The following MED19 variants were observed in gnomAD, a reference collection of about 807,000 sequenced individuals.
MED19 encodes the protein mediator of RNA polymerase II transcription subunit 19.
In MED19, 4 loss-of-function variants were observed where a neutral mutation model predicts 19.9. The observed-to-expected ratio is 0.20, with a 90% CI of 0.10 to 0.46. The LOEUF (loss-of-function observed/expected upper bound fraction) is 0.46, where lower values mean the gene tolerates loss of function less well. Ranked by LOEUF, MED19 falls within the 20% of genes least tolerant of loss-of-function variation. The pLI, the probability that MED19 is intolerant of heterozygous loss-of-function variation, is 0.99. For missense variants in MED19, 303 were observed against 318.7 expected, an observed-to-expected ratio of 0.95 and a Z score of 0.38; for synonymous variants, 139 against 119.6, an observed-to-expected ratio of 1.16 and a Z score of -1.06.
intron 3 of MED19, 111 bp from the exon 4 acceptor site, chr11:57,704,507 A>G (rs1469130877): frequency 1.3e-5 from 21 of 1,578,602 alleles, no homozygotes; most frequent in Admixed American, 2.0e-5. Flanking sequence ...TTTTGTCCAA[A>G]TGGCCAGAAA....
At position 57,704,516 on chromosome 11, in the gene MED19, A is replaced by G; in HGVS notation, c.572-120T>C. 1.9e-6 allele frequency: 3 copies of G among 1,581,782 alleles called. No homozygotes were observed. The South Asian group carries it at 3.5e-5, about 19-fold the overall frequency. On this transcript the variant is annotated intron_variant, in intron 3 of 4. Transcript: ENST00000431606. ...AACTGCTTTTGTCCAAATGGCCAGA[A>G]AGGATACAGAGGTGCTGCTAGAGTC...
At chr11:57,704,669 GTTTTTTTT>G (rs34198151) in intron 3 of MED19, 42 bp downstream of exon 3, 39 of 1,287,634 alleles carry the variant, frequency 3.0e-5, no homozygotes, top group African/African-American at 6.2e-5. Context: ...AGAAGGTCAG[GTTTTTTTT>G]TTTTTTTTTT....
Position 57,704,744 on chromosome 11 carries a change from G to A in MED19, c.546C>T (p.Ser182=), listed in dbSNP as rs750024849. 4 of 1,609,564 alleles carry A rather than the reference G, an allele frequency of 2.5e-6. No individual in the cohort carries two copies. The East Asian group carries it at 8.9e-5, about 36-fold the overall frequency. The change falls in exon 3 of 5, where the codon AGC becomes AGT. Residue 182 remains serine, a synonymous_variant. Coordinates refer to ENST00000431606, the Ensembl canonical transcript of MED19. ...CTGGGGGGACAGGATCCTGGGTACG[G>A]CTCTGTTTGTGCTTGTGCTTATTCT...
At chr11:57,706,787 A>C (rs1946513452) in intron 1 of MED19, among the ~76,000 whole-genome samples, 1 of 152,224 alleles carries the variant, frequency 6.6e-6, no homozygotes, top group African/African-American at 2.4e-5. Flanking sequence ...TCAGGCAACT[A>C]GAATTATTCT....
chr11:57,704,655 A>G (rs1590878079), intron 3 of MED19, 64 bp downstream of exon 3: 1 of 1,306,818 alleles, frequency 7.7e-7, no homozygotes, highest in African/African-American at 1.6e-5. Context: ...TTCAAACCAG[A>G]TTCAGAAGGT....
chr11:57,709,853 G>A (rs576981705), intron 1 of MED19, among the ~76,000 whole-genome samples: 2 of 152,100 alleles, frequency 1.3e-5, no homozygotes, highest in African/African-American at 2.4e-5. Flanking sequence ...GAGCCACAGC[G>A]CCTGGCCCTG....
chr11:57,707,235 C>T (rs1946519574), intron 1 of MED19, among the ~76,000 whole-genome samples: 1 of 151,580 alleles, frequency 6.6e-6, no homozygotes, highest in Non-Finnish European at 1.5e-5. Context: ...GTATGCAAGG[C>T]ACTATCCATA....
intron 1 of MED19, among the ~76,000 whole-genome samples, chr11:57,707,197 C>CA (rs754457524): frequency 0.02 from 1,155 of 57,498 alleles, 10 homozygotes; most frequent in East Asian, 0.12. Flanking sequence ...GATTCCATCT[C>CA]AAAAAAAAAA....
intron 1 of MED19, among the ~76,000 whole-genome samples, chr11:57,707,083 A>C (rs996270300): frequency 5.9e-5 from 9 of 151,952 alleles, no homozygotes; most frequent in African/African-American, 2.2e-4. Context: ...CTGTAGTCAC[A>C]GCTACTTGGG....
chr11:57,703,834 G>T, exon 5 of MED19: 1 of 680,388 alleles, frequency 1.5e-6, no homozygotes, highest in Non-Finnish European at 2.2e-6. Flanking sequence ...AGATGTCCAT[G>T]AGAAAACCAA....
At chr11:57,712,209 G>A (rs1419781177) in exon 1 of MED19, 1 of 1,486,180 alleles carries the variant, frequency 6.7e-7, no homozygotes, top group Non-Finnish European at 8.9e-7. Context: ...CTGTCTCCGT[G>A]TCTGCCGTTG....
intron 1 of MED19, among the ~76,000 whole-genome samples, chr11:57,711,738 C>A (rs942734499): frequency 6.6e-6 from 1 of 152,172 alleles, no homozygotes; most frequent in Non-Finnish European, 1.5e-5. Context: ...AGATGCACTA[C>A]GCCCCTGCCC....
At chr11:57,710,220 A>G (rs1590881609) in intron 1 of MED19, among the ~76,000 whole-genome samples, 4 of 152,170 alleles carry the variant, frequency 2.6e-5, no homozygotes, top group South Asian at 4.1e-4. Context: ...AAGTTAGCCA[A>G]CTGTGGTGGT....
chr11:57,709,951 A>G (rs1380533215), intron 1 of MED19, among the ~76,000 whole-genome samples: 1 of 152,176 alleles, frequency 6.6e-6, no homozygotes, highest in Non-Finnish European at 1.5e-5. Flanking sequence ...GGTTCAAACC[A>G]TTATCTTTCC....
Position 57,710,874 on chromosome 11 carries a change from T to C in MED19, c.217+1089A>G, listed in dbSNP as rs114036489. Among the ~76,000 whole-genome samples, 458 of 152,282 alleles carry C rather than the reference T, an allele frequency of 3.0e-3. 3 individuals carry two copies. The highest frequency in any genetic ancestry group is 0.011 in the African/African-American group (440 of 41,570). Reference sequence around the variant, plus strand: ...CCACGCCCGGTTAATCTTGTATATTTTGTAGAGACTGGGTCTCGCCATGTT... The same window carrying C: ...CCACGCCCGGTTAATCTTGTATATTCTGTAGAGACTGGGTCTCGCCATGTT... On this transcript the variant is annotated intron_variant, in intron 1 of 4. Transcript: ENST00000431606.
exon 2 of MED19, chr11:57,705,132 T>TACC (rs1405328757): frequency 6.2e-7 from 1 of 1,614,170 alleles, no homozygotes. Context: ...GGAAGTTACT[T>TACC]AGCTTCTCCT....
intron 1 of MED19, among the ~76,000 whole-genome samples, chr11:57,707,068 T>C (rs1444500665): frequency 6.6e-6 from 1 of 151,946 alleles, no homozygotes; most frequent in Non-Finnish European, 1.5e-5. Flanking sequence ...TGTGGTGGCA[T>C]GCGCCTGTAG....
At chr11:57,704,056 G>C (rs1483648992) in exon 5 of MED19, 1 of 1,536,174 alleles carries the variant, frequency 6.5e-7, no homozygotes, top group Non-Finnish European at 8.7e-7. Context: ...GGCTGCTGCT[G>C]CTGCTGGCCT....
chr11:57,704,828 A>G lies in MED19; in HGVS notation c.475-13T>C. ...ACTGCTCCGGCAACTGAAGGAACCA[A>G]AGGAAGGTCCAGGTGAGTAGAGGGA... is the stretch of plus-strand genomic sequence containing the variant. On this transcript the variant is annotated splice_polypyrimidine_tract_variant and intron_variant, in intron 2 of 4. Coordinates refer to ENST00000431606, the Ensembl canonical transcript of MED19. The G allele has an allele frequency of 6.2e-7, 1 of 1,613,516 alleles. No individual in the cohort carries two copies. The highest frequency in any genetic ancestry group is 8.5e-7 in the Non-Finnish European group (1 of 1,179,946).
Sources: gnomAD v4.1 joint callset for allele counts (sites outside exome capture counted in the v4.1 genomes callset) on GRCh38, gnomAD v4.1.1 for gene constraint, MANE v1.5 for transcripts, NCBI Gene and HGNC (gene_info 2026-07-23, HGNC 2026-07-21) for gene names.